The following ASIP variants were observed in gnomAD, a reference collection of about 807,000 sequenced individuals.
The protein encoded by ASIP is agouti-signaling protein.
A neutral mutation model predicts 10.3 loss-of-function variants in ASIP; 11 were observed. That is an observed-to-expected ratio of 1.07 (90% CI 0.68 to 1.78). The LOEUF is 1.78. Among genes scored for constraint, ASIP ranks in the 40% most tolerant of loss-of-function variants. The pLI is 0.00. For missense variants in ASIP, 180 were observed against 169.2 expected, an observed-to-expected ratio of 1.06 and a Z score of -0.35; for synonymous variants, 70 against 70.8, an observed-to-expected ratio of 0.99 and a Z score of 0.06.
At chr20:34,222,877 G>A (rs1286992961) in intron 1 of ASIP, among the ~76,000 whole-genome samples, 4 of 152,044 alleles carry the variant, frequency 2.6e-5, no homozygotes, top group Non-Finnish European at 5.9e-5. Flanking sequence ...TGATCCGCCA[G>A]CCTCGGCCTC....
At chr20:34,262,937 A>G in intron 3 of ASIP, 44 bp downstream of exon 3, 2 of 1,607,514 alleles carry the variant, frequency 1.2e-6, no homozygotes, top group Non-Finnish European at 1.7e-6. Context: ...TTGGGGTGAG[A>G]CTGGACTTAA....
At chr20:34,192,533 T>TC (rs1212039389), upstream of ASIP, among the ~76,000 whole-genome samples, 2 of 151,578 alleles carry the variant, frequency 1.3e-5, no homozygotes, top group Non-Finnish European at 2.9e-5. Context: ...TTTTTTTTTT[T>TC]TCCTGAGATG....
At chr20:34,223,680 G>A (rs1346943465) in intron 1 of ASIP, among the ~76,000 whole-genome samples, 3 of 146,986 alleles carry the variant, frequency 2.0e-5, no homozygotes, top group South Asian at 4.4e-4. Context: ...GGGAAGTGAG[G>A]AGCCCCTCTG....
intron 1 of ASIP, among the ~76,000 whole-genome samples, chr20:34,201,930 C>T (rs2034902611): frequency 6.6e-6 from 1 of 152,128 alleles, no homozygotes; most frequent in Non-Finnish European, 1.5e-5. Flanking sequence ...CAGTCTGGTG[C>T]CAAACTTCCA....
At chr20:34,259,148 T>A (rs1029728951) in intron 1 of ASIP, among the ~76,000 whole-genome samples, 23 of 151,844 alleles carry the variant, frequency 1.5e-4, no homozygotes, top group Non-Finnish European at 2.8e-4. Context: ...AGGTTGAGAC[T>A]GCAGTGGCCC....
chr20:34,198,246 CA>C (rs1378083516), intron 1 of ASIP, among the ~76,000 whole-genome samples: 1 of 151,882 alleles, frequency 6.6e-6, no homozygotes, highest in Non-Finnish European at 1.5e-5. Flanking sequence ...CATGCCACCA[CA>C]CCCAGCTAAT....
At chr20:34,259,310 C>T (rs895373576) in intron 1 of ASIP, among the ~76,000 whole-genome samples, 3 of 151,912 alleles carry the variant, frequency 2.0e-5, no homozygotes, top group Non-Finnish European at 4.4e-5. Flanking sequence ...GACAAGAGTT[C>T]GAGACCAGCC....
At chr20:34,247,152 C>A (rs1394623321) in intron 1 of ASIP, among the ~76,000 whole-genome samples, 1 of 151,952 alleles carries the variant, frequency 6.6e-6, no homozygotes, top group African/African-American at 2.4e-5. Context: ...GCCAATGTAG[C>A]CCGTTGTGTT....
At chr20:34,214,264 G>A (rs764159660) in intron 1 of ASIP, 98 of 1,406,592 alleles carry the variant, frequency 7.0e-5, no homozygotes, top group Non-Finnish European at 9.0e-5. Flanking sequence ...CTGGAATGAC[G>A]CAGACCTCTG....
chr20:34,246,383 T>A, intron 1 of ASIP: 2 of 1,421,988 alleles, frequency 1.4e-6, no homozygotes, highest in Non-Finnish European at 1.9e-6. Context: ...TAACCATTGT[T>A]TACAATGAGC....
At chr20:34,214,354 C>A (rs1030265224) in intron 1 of ASIP, 2 of 1,312,920 alleles carry the variant, frequency 1.5e-6, no homozygotes, top group Non-Finnish European at 2.2e-6. Flanking sequence ...ACAACAGTTT[C>A]GAAGAACTCC....
intron 1 of ASIP, among the ~76,000 whole-genome samples, chr20:34,219,341 T>G (rs1015494740): frequency 2.0e-5 from 3 of 152,190 alleles, no homozygotes; most frequent in African/African-American, 7.2e-5. Context: ...CTTTACACAT[T>G]CAATCATCAT....
At chr20:34,225,933 G>A (rs377414329) in intron 1 of ASIP, among the ~76,000 whole-genome samples, 6 of 150,152 alleles carry the variant, frequency 4.0e-5, no homozygotes, top group African/African-American at 9.8e-5. Flanking sequence ...TTGCTGTGTC[G>A]CCCAGGCTGG....
At chr20:34,257,926 T>C (rs2122650935) in intron 1 of ASIP, among the ~76,000 whole-genome samples, 1 of 152,284 alleles carries the variant, frequency 6.6e-6, no homozygotes, top group African/African-American at 2.4e-5. Context: ...GGCAGATCAC[T>C]TGAGGTCAGG....
intron 1 of ASIP, among the ~76,000 whole-genome samples, chr20:34,220,791 G>C (rs1033978942): frequency 6.6e-6 from 1 of 151,928 alleles, no homozygotes. Context: ...CAGATTATAT[G>C]GTACCATAGA....
intron 1 of ASIP, among the ~76,000 whole-genome samples, chr20:34,250,942 A>C (rs1176324371): frequency 1.3e-5 from 2 of 152,082 alleles, no homozygotes; most frequent in Non-Finnish European, 2.9e-5. Flanking sequence ...AGTGTACCCT[A>C]CTCAGGGATG....
At chr20:34,263,837 G>A (rs1454687402) in intron 3 of ASIP, among the ~76,000 whole-genome samples, 2 of 151,458 alleles carry the variant, frequency 1.3e-5, no homozygotes, top group South Asian at 2.1e-4. Context: ...CCCAGCTAAT[G>A]TTTTTGTATT....
At chr20:34,196,741 G>C (rs905124603) in intron 1 of ASIP, among the ~76,000 whole-genome samples, 2 of 152,130 alleles carry the variant, frequency 1.3e-5, no homozygotes, top group African/African-American at 4.8e-5. Context: ...ACTCCCTAGA[G>C]CCCTTAGAGG....
chr20:34,197,477 G>A (rs1266430511), intron 1 of ASIP, among the ~76,000 whole-genome samples: 1 of 152,210 alleles, frequency 6.6e-6, no homozygotes, highest in Non-Finnish European at 1.5e-5. Context: ...AATACAGTCA[G>A]TAATTGGGCT....
Sources: allele counts gnomAD v4.1 joint callset (sites outside exome capture counted in the v4.1 genomes callset), GRCh38; gene constraint gnomAD v4.1.1; transcripts MANE v1.5; gene names NCBI Gene and HGNC (gene_info 2026-07-23, HGNC 2026-07-21).